The following LYPD6B variants were observed in gnomAD, a reference collection of about 807,000 sequenced individuals.
LYPD6B encodes the protein ly6/PLAUR domain-containing protein 6B.
In LYPD6B, 17 loss-of-function variants were observed where a neutral mutation model predicts 22.8. The ratio of observed to expected loss-of-function variants is 0.75; its 90% CI spans 0.51 to 1.12. The LOEUF (loss-of-function observed/expected upper bound fraction) is 1.12, where lower values mean the gene tolerates loss of function less well. Among genes scored for constraint, LYPD6B ranks in the 50% most tolerant of loss-of-function variants. The pLI is 0.00. For synonymous variants in LYPD6B, 106 were observed against 91.6 expected (o/e 1.16, Z -0.90); for missense variants, 221 against 258.3 (o/e 0.86, Z 0.99).
At chr2:149,083,893 G>A (rs955892766) in intron 1 of LYPD6B, among the ~76,000 whole-genome samples, 2 of 151,856 alleles carry the variant, frequency 1.3e-5, no homozygotes, top group African/African-American at 4.8e-5. Context: ...TGGCTAACAC[G>A]GTGAAACCCT....
chr2:149,169,097 A>T (rs1301793646), intron 3 of LYPD6B, among the ~76,000 whole-genome samples: 1 of 152,186 alleles, frequency 6.6e-6, no homozygotes, highest in Non-Finnish European at 1.5e-5. Context: ...GGAAATGGTA[A>T]GGAGATTCAG....
intron 1 of LYPD6B, among the ~76,000 whole-genome samples, chr2:149,062,238 C>T (rs764264631): frequency 3.3e-5 from 5 of 152,178 alleles, no homozygotes; most frequent in Admixed American, 6.5e-5. Context: ...CCACCTGCCT[C>T]GGCCTCCCAA....
intron 1 of LYPD6B, among the ~76,000 whole-genome samples, chr2:149,040,949 T>C (rs1405676052): frequency 6.6e-6 from 1 of 152,204 alleles, no homozygotes; most frequent in Non-Finnish European, 1.5e-5. Context: ...TTTGAGAAGC[T>C]CACAGTCTAG....
Position 149,118,455 on chromosome 2 carries a change from A to G in LYPD6B, c.-66-12428A>G, listed in dbSNP as rs796188758. On this transcript the variant is annotated intron_variant, in intron 1 of 6. Coordinates refer to ENST00000409642, the MANE Select transcript of LYPD6B (RefSeq NM_177964.5). ...TTTGCTCGAGTAAGGCTCTCAGGGC[A>G]GAGGACACTTGAGATTGCCTTGATG... Among the ~76,000 whole-genome samples the G allele has an allele frequency of 3.9e-5, 6 of 152,228 alleles. No individual in the cohort carries two copies. The South Asian group carries it at 6.2e-4, about 16-fold the overall frequency.
chr2:149,208,488 G>A, intron 5 of LYPD6B, 76 bp downstream of exon 5: 1 of 1,173,000 alleles, frequency 8.5e-7, no homozygotes, highest in Non-Finnish European at 1.3e-6. Flanking sequence ...ATGTTCTTTA[G>A]GAATCAGATG....
chr2:149,179,076 A>G (rs1485810607), intron 3 of LYPD6B, among the ~76,000 whole-genome samples: 1 of 152,196 alleles, frequency 6.6e-6, no homozygotes, highest in African/African-American at 2.4e-5. Context: ...ATCACCAACT[A>G]GCTGCAGGCA....
At chr2:149,203,898 A>C (rs1346833662) in intron 3 of LYPD6B, among the ~76,000 whole-genome samples, 1 of 152,226 alleles carries the variant, frequency 6.6e-6, no homozygotes, top group African/African-American at 2.4e-5. Context: ...CAGTATACCC[A>C]CAATAAGAGA....
chr2:149,176,904 C>T (rs1466187961), intron 3 of LYPD6B, among the ~76,000 whole-genome samples: 2 of 152,102 alleles, frequency 1.3e-5, no homozygotes, highest in African/African-American at 2.4e-5. Flanking sequence ...AATAACTCTG[C>T]TAAAAAGTGC....
At chr2:149,060,076 C>T (rs1431624821) in intron 1 of LYPD6B, among the ~76,000 whole-genome samples, 1 of 152,112 alleles carries the variant, frequency 6.6e-6, no homozygotes, top group Non-Finnish European at 1.5e-5. Context: ...AGGCACTGAG[C>T]TATGCAGGGC....
At chr2:149,116,121 A>G (rs1268084097) in intron 1 of LYPD6B, among the ~76,000 whole-genome samples, 8 of 152,370 alleles carry the variant, frequency 5.3e-5, no homozygotes, top group Middle Eastern at 3.4e-3. Context: ...AAGAAAGTTG[A>G]GTATAGTACA....
chr2:149,210,013 G>A (rs1229884355), intron 5 of LYPD6B, among the ~76,000 whole-genome samples: 2 of 152,136 alleles, frequency 1.3e-5, no homozygotes, highest in Non-Finnish European at 2.9e-5. Flanking sequence ...TTAACAATTT[G>A]CTTTAAGTTG....
At chr2:149,050,095 A>T (rs1438798870) in intron 1 of LYPD6B, among the ~76,000 whole-genome samples, 1 of 152,150 alleles carries the variant, frequency 6.6e-6, no homozygotes, top group Non-Finnish European at 1.5e-5. Flanking sequence ...TGACTCTGAC[A>T]AGCGTAGTTT....
chr2:149,080,867 A>AAAAAAT lies in LYPD6B; in HGVS notation c.-67+42066_-67+42067insAAAAAT, dbSNP rs1491182913. Reference sequence around the variant, plus strand: ...AAAAAAAAAAAAAAAAAAAAAAAAAACCACACAAAAAAATTCAGTATATTA... The same window carrying AAAAAAT: ...AAAAAAAAAAAAAAAAAAAAAAAAAAAAAAATCCACACAAAAAAATTCAGTATATTA... On this transcript the variant is annotated intron_variant, in intron 1 of 6. Transcript: ENST00000409642. 7.4e-5 allele frequency among the ~76,000 whole-genome samples: 8 copies of AAAAAAT among 108,688 alleles called. 1 individual carries two copies. The highest frequency in any genetic ancestry group is 1.4e-4 in the Non-Finnish European group (7 of 51,060). 71.3% of individuals were successfully genotyped at this position (108,688 alleles called of 152,430 possible).
intron 1 of LYPD6B, among the ~76,000 whole-genome samples, chr2:149,055,530 G>A (rs1683750171): frequency 2.0e-5 from 3 of 152,046 alleles, no homozygotes; most frequent in Admixed American, 1.3e-4. Context: ...ATGCTTTTCC[G>A]GTTATTTAGG....
intron 3 of LYPD6B, among the ~76,000 whole-genome samples, chr2:149,184,016 A>G (rs1360270565): frequency 6.6e-6 from 1 of 151,992 alleles, no homozygotes; most frequent in Non-Finnish European, 1.5e-5. Context: ...AACATGGAGA[A>G]ACTCCATCTC....
chr2:149,137,488 T>C (rs966394872), intron 2 of LYPD6B, among the ~76,000 whole-genome samples: 2 of 152,202 alleles, frequency 1.3e-5, no homozygotes, highest in African/African-American at 4.8e-5. Context: ...ATTTACCAAT[T>C]AAAATTTTAT....
chr2:149,111,405 A>G (rs1282961778), intron 1 of LYPD6B, among the ~76,000 whole-genome samples: 1 of 152,060 alleles, frequency 6.6e-6, no homozygotes, highest in Admixed American at 6.6e-5. Flanking sequence ...GGTGATGAAA[A>G]ATCAGTCTGA....
intron 1 of LYPD6B, chr2:149,118,352 A>T (rs1000048572): frequency 1.3e-5 from 2 of 152,210 alleles, no homozygotes; most frequent in African/African-American, 4.8e-5. Flanking sequence ...CCAACTGATA[A>T]ATACTGGATT....
At chr2:149,211,102 G>A (rs941437588) in intron 5 of LYPD6B, among the ~76,000 whole-genome samples, 2 of 152,086 alleles carry the variant, frequency 1.3e-5, no homozygotes, top group African/African-American at 2.4e-5. Flanking sequence ...AGAAAGAGAG[G>A]GGGGAGGTGC....
Sources: allele counts gnomAD v4.1 joint callset (sites outside exome capture counted in the v4.1 genomes callset), GRCh38; gene constraint gnomAD v4.1.1; transcripts MANE v1.5; gene names NCBI Gene and HGNC (gene_info 2026-07-23, HGNC 2026-07-21).